Variants in MIB1 observed in about 807,000 individuals in gnomAD.
MIB1 encodes the protein MIB E3 ubiquitin protein ligase 1, also known as E3 ubiquitin-protein ligase MIB1.
In MIB1, 278 loss-of-function variants were observed where a neutral mutation model predicts 124.5. The ratio of observed to expected loss-of-function variants is 2.23; its 90% CI spans 2.02 to 2.47. The LOEUF is 2.47. Among genes scored for constraint, MIB1 ranks in the 30% most tolerant of loss-of-function variants. MIB1 has a pLI of 0.00. For synonymous variants in MIB1, 446 were observed against 429.4 expected (o/e 1.04, Z -0.48); for missense variants, 957 against 1,254.4 (o/e 0.76, Z 3.58).
chr18:21,818,906 G>A (rs561377100), intron 11 of MIB1, among the ~76,000 whole-genome samples: 106 of 152,238 alleles, frequency 7.0e-4, no homozygotes, highest in African/African-American at 2.5e-3. Flanking sequence ...TTGTACTCCA[G>A]CCTGAGTGAA....
intron 10 of MIB1, chr18:21,812,417 A>T (rs1162775855): frequency 1.3e-5 from 2 of 152,230 alleles, no homozygotes; most frequent in Non-Finnish European, 2.9e-5. Flanking sequence ...TGGTGTGAAG[A>T]ATAGATTGGG....
At chr18:21,753,826 G>A (rs1384670911) in intron 1 of MIB1, among the ~76,000 whole-genome samples, 6 of 151,990 alleles carry the variant, frequency 3.9e-5, no homozygotes, top group African/African-American at 1.5e-4. Flanking sequence ...ATAGGCGCCT[G>A]CCACCACACC....
At chr18:21,774,328 C>T (rs1262790201) in intron 4 of MIB1, among the ~76,000 whole-genome samples, 2 of 152,206 alleles carry the variant, frequency 1.3e-5, no homozygotes, top group Non-Finnish European at 2.9e-5. Context: ...GTGGCTCACG[C>T]CTGTAATCCC....
chr18:21,814,702 T>A (rs2041808987), intron 10 of MIB1, among the ~76,000 whole-genome samples: 1 of 151,800 alleles, frequency 6.6e-6, no homozygotes, highest in African/African-American at 2.4e-5. Flanking sequence ...GCCTCCCGGG[T>A]AGCTGGGATT....
At chr18:21,785,221 G>GC (rs894117247) in intron 6 of MIB1, among the ~76,000 whole-genome samples, 1 of 151,818 alleles carries the variant, frequency 6.6e-6, no homozygotes, top group Non-Finnish European at 1.5e-5. Context: ...TCCTTACCCT[G>GC]CCCCCTTGCC....
chr18:21,733,013 G>A (rs920952995), intron 1 of MIB1, among the ~76,000 whole-genome samples: 3 of 152,084 alleles, frequency 2.0e-5, no homozygotes, highest in East Asian at 1.9e-4. Context: ...GCTTGTGACC[G>A]GTCCACTTTT....
rs919765749 is a variant in MIB1 at position 21,858,563 on chromosome 18, G to A, written c.2797G>A (p.Val933Ile). ...TDDISSGNIP[V>I]LQKDKDNTNV... Reference sequence around the variant, plus strand: ...TATTATAGCAAGTGGGAATATTCCAGTATTACAAAAGGACAAGGATAATAC... The same window carrying A: ...TATTATAGCAAGTGGGAATATTCCAATATTACAAAAGGACAAGGATAATAC... Residue 933 changes from valine (V) to isoleucine (I), a missense_variant, in exon 20 of 21, where the codon GTA (valine) becomes ATA (isoleucine). Transcript: ENST00000261537. 3 of 1,558,304 alleles carry A rather than the reference G, an allele frequency of 1.9e-6. No homozygotes were observed. The highest frequency in any genetic ancestry group is 1.1e-5 in the South Asian group (1 of 88,276).
At position 21,865,381 on chromosome 18, in the gene MIB1, G is replaced by C; in HGVS notation, c.*715G>C. On this transcript the variant is annotated 3_prime_UTR_variant, in exon 21 of 21. Coordinates refer to ENST00000261537, the MANE Select transcript of MIB1 (RefSeq NM_020774.4). ...AAAAGGAAAAATAAGCAATAATAGTGGGCAACTGAAGAGAAAAAAAAAACG... is the reference window on the plus strand; with the variant it reads ...AAAAGGAAAAATAAGCAATAATAGTCGGCAACTGAAGAGAAAAAAAAAACG... 6.6e-6 allele frequency: 1 copy of C among 151,886 alleles called. No homozygotes were observed. Among genetic ancestry groups the C allele is most frequent in the East Asian group, 1.9e-4 (1 of 5,192 alleles). The allele number at this position is 151,886 out of a possible 1,614,324, so 9.4% of individuals were successfully genotyped here.
intron 1 of MIB1, among the ~76,000 whole-genome samples, chr18:21,721,333 G>A (rs774848713): frequency 1.1e-4 from 16 of 150,768 alleles, no homozygotes; most frequent in Admixed American, 2.7e-4. Flanking sequence ...AGCATACACC[G>A]CCACGCCCAG....
chr18:21,803,426 A>G (rs753017206), intron 9 of MIB1, among the ~76,000 whole-genome samples: 4 of 152,182 alleles, frequency 2.6e-5, no homozygotes, highest in Admixed American at 6.5e-5. Context: ...CTACCTTGCT[A>G]ACTTATTTAT....
intron 1 of MIB1, among the ~76,000 whole-genome samples, chr18:21,731,433 A>T (rs976604280): frequency 2.0e-5 from 3 of 152,138 alleles, no homozygotes; most frequent in African/African-American, 7.2e-5. Context: ...GCCAGTTTTC[A>T]ACTACTACAA....
intron 10 of MIB1, among the ~76,000 whole-genome samples, chr18:21,810,487 A>G (rs150691773): frequency 1.2e-3 from 181 of 152,152 alleles, no homozygotes; most frequent in African/African-American, 4.1e-3. Flanking sequence ...TACTTTCAAG[A>G]CTTACCACAA....
chr18:21,790,634 A>G (rs2041491537), intron 6 of MIB1, among the ~76,000 whole-genome samples: 1 of 152,210 alleles, frequency 6.6e-6, no homozygotes, highest in Non-Finnish European at 1.5e-5. Context: ...AATGTCATTC[A>G]GTGTATTGAT....
chr18:21,705,601 G>A (rs1191641316), intron 1 of MIB1, among the ~76,000 whole-genome samples: 1 of 152,166 alleles, frequency 6.6e-6, no homozygotes, highest in Non-Finnish European at 1.5e-5. Flanking sequence ...CCTCAGAGAG[G>A]TAGGAAGAAT....
intron 12 of MIB1, among the ~76,000 whole-genome samples, chr18:21,834,687 A>G (rs1298057936): frequency 6.6e-6 from 1 of 152,214 alleles, no homozygotes; most frequent in African/African-American, 2.4e-5. Context: ...AGTCTACACA[A>G]TATCCCATTA....
At chr18:21,860,098 C>CTTT (rs398032096) in intron 20 of MIB1, among the ~76,000 whole-genome samples, 388 of 26,448 alleles carry the variant, frequency 0.015, 114 homozygotes, top group African/African-American at 0.042. Flanking sequence ...TTCTTTATGT[C>CTTT]TTTTTTTTTT....
chr18:21,853,295 T>C, intron 18 of MIB1, 77 bp downstream of exon 18: 2 of 1,128,960 alleles, frequency 1.8e-6, no homozygotes, highest in Non-Finnish European at 2.6e-6. Context: ...TTTGAGGGTT[T>C]TTTTGCTTTT....
chr18:21,726,783 C>A (rs537080635), intron 1 of MIB1, among the ~76,000 whole-genome samples: 17 of 152,304 alleles, frequency 1.1e-4, no homozygotes, highest in Non-Finnish European at 2.1e-4. Context: ...CCTTCACTCC[C>A]CCCGTAACAA....
intron 3 of MIB1, among the ~76,000 whole-genome samples, chr18:21,770,526 C>T (rs957980045): frequency 1.3e-5 from 2 of 152,004 alleles, no homozygotes; most frequent in Non-Finnish European, 2.9e-5. Flanking sequence ...TGCTGTGTTG[C>T]CCAGGCTGGT....
Sources: allele counts gnomAD v4.1 joint callset (sites outside exome capture counted in the v4.1 genomes callset), GRCh38; gene constraint gnomAD v4.1.1; transcripts MANE v1.5; gene names NCBI Gene and HGNC (gene_info 2026-07-23, HGNC 2026-07-21).